USP10: variants seen among roughly 807,000 people sequenced by gnomAD.
USP10 encodes ubiquitin carboxyl-terminal hydrolase 10.
In USP10, 22 loss-of-function variants were observed where a neutral mutation model predicts 84.5. That is an observed-to-expected ratio of 0.26 (90% CI 0.19 to 0.37). The LOEUF is 0.37. Ranked by LOEUF, USP10 falls within the 10% of genes least tolerant of loss-of-function variation. The pLI is 1.00. For missense variants in USP10, 1,019 were observed against 998.9 expected (o/e 1.02, Z -0.27); for synonymous variants, 454 against 387.6 (o/e 1.17, Z -2.01).
intron 11 of USP10, 133 bp from the exon 12 acceptor site, chr16:84,772,408 A>G (rs1445559465): frequency 8.0e-7 from 1 of 1,252,084 alleles, no homozygotes; most frequent in Non-Finnish European, 1.1e-6. Flanking sequence ...TGGGGCAGGA[A>G]AAGCCATGAA....
At chr16:84,716,135 C>G (rs2150770514) in intron 1 of USP10, 1 of 152,394 alleles carries the variant, frequency 6.6e-6, no homozygotes, top group East Asian at 1.9e-4. Flanking sequence ...GGAAGGGGAG[C>G]TGGCCAGTTC....
At chr16:84,754,367 G>A (rs1280103148) in intron 4 of USP10, among the ~76,000 whole-genome samples, 1 of 152,064 alleles carries the variant, frequency 6.6e-6, no homozygotes, top group African/African-American at 2.4e-5. Context: ...TATTTTCCAA[G>A]TCTGAAAAGG....
At position 84,762,903 on chromosome 16, in the gene USP10, T is replaced by C. The variant is rs1012083055; in HGVS notation, c.1555-86T>C. On this transcript the variant is annotated intron_variant, in intron 8 of 13. Coordinates refer to ENST00000219473, the MANE Select transcript of USP10 (RefSeq NM_005153.3). ...TACATCTTCCATTTCAGAGGAGGCA[T>C]GGTTGGACTTTGCAAGTACTGCATG... 4.0e-5 allele frequency: 28 copies of C among 702,578 alleles called. No homozygotes were observed. In the East Asian group the frequency reaches 5.7e-4, roughly 14 times the overall value. The allele number at this position is 702,578 out of a possible 1,614,324, so 43.5% of individuals were successfully genotyped here. A position where few individuals can be genotyped will look rare whatever the true frequency, so the allele number is the denominator to read the frequency against.
chr16:84,732,602 A>G, intron 1 of USP10: 1 of 307,946 alleles, frequency 3.2e-6, no homozygotes, highest in South Asian at 2.4e-5. Flanking sequence ...ACACGCCACC[A>G]CGCCTGGCTA....
At chr16:84,747,512 G>A (rs187178165) in intron 4 of USP10, among the ~76,000 whole-genome samples, 2 of 148,180 alleles carry the variant, frequency 1.3e-5, no homozygotes, top group East Asian at 2.0e-4. Context: ...TAGGCCAGAC[G>A]TCGTTATTTT....
chr16:84,758,689 C>T lies in USP10; in HGVS notation c.1193-27C>T, dbSNP rs753766841. On this transcript the variant is annotated intron_variant, in intron 4 of 13. Coordinates refer to ENST00000219473, the MANE Select transcript of USP10 (RefSeq NM_005153.3). ...GTTCTTCACTAGATGTCATCAATTT[C>T]TGAAATATGCTTCTTCACTCTTTCA... 3.5e-5 allele frequency: 53 copies of T among 1,520,890 alleles called. No homozygotes were observed. In the African/African-American group the frequency reaches 6.6e-4, roughly 19 times the overall value. 94.2% of individuals were successfully genotyped at this position (1,520,890 alleles called of 1,614,324 possible).
intron 4 of USP10, among the ~76,000 whole-genome samples, chr16:84,748,153 CAAAA>C (rs1169089505): frequency 2.9e-4 from 15 of 51,162 alleles, no homozygotes; most frequent in African/African-American, 8.4e-4. Flanking sequence ...GACTCCATCT[CAAAA>C]AAAAAAAAAA....
intron 9 of USP10, 145 bp from the exon 10 acceptor site, chr16:84,763,941 C>T (rs1567643405): frequency 9.8e-7 from 1 of 1,020,368 alleles, no homozygotes; most frequent in South Asian, 1.8e-5. Context: ...AGTGACGTTG[C>T]TCCTGTTGCG....
chr16:84,718,763 C>CA (rs1320385583), intron 1 of USP10, among the ~76,000 whole-genome samples: 55 of 148,828 alleles, frequency 3.7e-4, no homozygotes, highest in Admixed American at 8.7e-4. Context: ...GACAAAAAAA[C>CA]AAAAAAAAAG....
intron 10 of USP10, among the ~76,000 whole-genome samples, chr16:84,765,671 C>T (rs1025692900): frequency 6.6e-6 from 1 of 152,100 alleles, no homozygotes; most frequent in African/African-American, 2.4e-5. Context: ...ATCCATTGGC[C>T]CATCCACAGA....
At chr16:84,755,035 C>G (rs1912368296) in intron 4 of USP10, among the ~76,000 whole-genome samples, 1 of 151,708 alleles carries the variant, frequency 6.6e-6, no homozygotes, top group Non-Finnish European at 1.5e-5. Context: ...CTTAGTGCAG[C>G]CAGTTCTTGA....
intron 4 of USP10, among the ~76,000 whole-genome samples, chr16:84,749,874 G>C (rs1368648662): frequency 6.6e-6 from 1 of 152,136 alleles, no homozygotes; most frequent in East Asian, 1.9e-4. Flanking sequence ...CTCGGTGTAG[G>C]TTATGTGTCA....
At chr16:84,716,914 G>A (rs767541130) in intron 1 of USP10, among the ~76,000 whole-genome samples, 6 of 152,142 alleles carry the variant, frequency 3.9e-5, no homozygotes, top group Non-Finnish European at 8.8e-5. Context: ...AAATGGTTAC[G>A]CAACTTAAAA....
intron 11 of USP10, among the ~76,000 whole-genome samples, chr16:84,771,823 G>A (rs570377334): frequency 3.3e-5 from 5 of 152,226 alleles, no homozygotes; most frequent in East Asian, 3.9e-4. Flanking sequence ...AGCGCAGATC[G>A]TACCACTGTA....
At chr16:84,722,048 C>G (rs537886875) in intron 1 of USP10, among the ~76,000 whole-genome samples, 2 of 152,340 alleles carry the variant, frequency 1.3e-5, no homozygotes, top group African/African-American at 4.8e-5. Context: ...CTACCACACT[C>G]CATATATAGA....
chr16:84,755,728 G>C (rs1912454878), intron 4 of USP10, among the ~76,000 whole-genome samples: 1 of 151,602 alleles, frequency 6.6e-6, no homozygotes, highest in South Asian at 2.1e-4. Flanking sequence ...AGACCCAGAG[G>C]CGGAGGTTGG....
intron 1 of USP10, among the ~76,000 whole-genome samples, chr16:84,714,321 T>C (rs556844325): frequency 2.0e-5 from 3 of 152,210 alleles, no homozygotes; most frequent in Non-Finnish European, 4.4e-5. Context: ...TTCCCACTTC[T>C]TCCTCTTTTT....
chr16:84,704,784 A>T, intron 1 of USP10: 2 of 1,535,554 alleles, frequency 1.3e-6, no homozygotes, highest in Non-Finnish European at 1.7e-6. Flanking sequence ...TTGAGAACCC[A>T]GAAGCTCTAC....
chr16:84,733,117 A>T (rs1417486228), intron 1 of USP10: 1 of 482,190 alleles, frequency 2.1e-6, no homozygotes, highest in Non-Finnish European at 4.1e-6. Context: ...TAAATGGAAC[A>T]ACTGGCAGTA....
Sources: allele counts gnomAD v4.1 joint callset (sites outside exome capture counted in the v4.1 genomes callset), GRCh38; gene constraint gnomAD v4.1.1; transcripts MANE v1.5; gene names NCBI Gene and HGNC (gene_info 2026-07-23, HGNC 2026-07-21).